The following MED23 variants were observed in gnomAD, a reference collection of about 807,000 sequenced individuals.
MED23 encodes the protein mediator of RNA polymerase II transcription subunit 23.
MED23 carries 105 observed loss-of-function variants against 163.9 expected under a neutral mutation model. That is an observed-to-expected ratio of 0.64 (90% confidence interval 0.55 to 0.75). MED23 has a LOEUF of 0.75. Ranked by LOEUF, MED23 falls within the 30% of genes least tolerant of loss-of-function variation. MED23 has a pLI of 0.00. For synonymous variants in MED23, 561 were observed against 565.6 expected, an observed-to-expected ratio of 0.99 and a Z score of 0.12; for missense variants, 1,054 against 1,649.0, an observed-to-expected ratio of 0.64 and a Z score of 6.25.
chr6:131,626,720 A>G (rs1394822707), intron 3 of MED23, among the ~76,000 whole-genome samples: 1 of 152,190 alleles, frequency 6.6e-6, no homozygotes, highest in African/African-American at 2.4e-5. Flanking sequence ...AACTAAACAA[A>G]AAGGTTAAAA....
At chr6:131,620,598 T>C in intron 7 of MED23, 30 bp downstream of exon 7, 1 of 1,533,312 alleles carries the variant, frequency 6.5e-7, no homozygotes. Flanking sequence ...CGAAAATTTT[T>C]ATTAAAAATT....
chr6:131,587,132 TA>T lies in MED23; in HGVS notation c.*546del. The T allele has an allele frequency of 8.1e-7, 1 of 1,233,024 alleles. No homozygotes were observed. Among genetic ancestry groups the T allele is most frequent in the Non-Finnish European group, 1.0e-6 (1 of 978,172 alleles). 76.4% of individuals were successfully genotyped at this position (1,233,024 alleles called of 1,614,324 possible). A position where few individuals can be genotyped will look rare whatever the true frequency, so the allele number is the denominator to read the frequency against. On this transcript the variant is annotated 3_prime_UTR_variant, in exon 29 of 29. Transcript: ENST00000368068. ...TGATAGAAACTATGGAAATTTATAA[TA>T]AAATTTCAAGTCATTTTAAAAAGAA...
At position 131,598,717 on chromosome 6, in the gene MED23, A is replaced by G; in HGVS notation, c.2265T>C (p.Asn755=). 1 of 1,613,976 alleles carries G rather than the reference A, an allele frequency of 6.2e-7. No homozygotes were observed. The highest frequency in any genetic ancestry group is 1.1e-5 in the South Asian group (1 of 91,074). The change falls in exon 19 of 29, where the codon AAT becomes AAC. Residue 755 remains asparagine (N), a synonymous_variant. Transcript: ENST00000368068. This position sits in a 1 kb window ranked among gnomAD's most constrained non-coding sequence, Gnocchi z 4.7. The stretch of plus-strand genomic sequence containing the variant: ...ACTCCTCCTCCACATTTTTTTTCAG[A>G]TTAAAACGGCTTTCCTGAGGCACAT... ...QNNVPQESRF[N]LKKNVEEEYR...
intron 11 of MED23, 110 bp downstream of exon 11, chr6:131,609,936 T>A: frequency 9.7e-7 from 1 of 1,029,306 alleles, no homozygotes; most frequent in South Asian, 1.3e-5. Flanking sequence ...GGACAGAAAT[T>A]AGGGCTCAGA....
intron 24 of MED23, 146 bp downstream of exon 24, chr6:131,592,860 C>A: frequency 1.0e-6 from 1 of 992,634 alleles, no homozygotes; most frequent in Non-Finnish European, 1.5e-6. Context: ...TCCTATATCA[C>A]AAAGACAAGA....
Position 131,596,501 on chromosome 6 carries a change from C to A in MED23, c.2778+17G>T. On this transcript the variant is annotated intron_variant, in intron 21 of 28. Coordinates refer to ENST00000368068, the MANE Select transcript of MED23 (RefSeq NM_004830.4). Reference sequence around the variant, plus strand: ...GGCTTTAAAAGGACTATTTGAAATACCAATTAGGACTAGTACCTTGTGATA... The same window carrying A: ...GGCTTTAAAAGGACTATTTGAAATAACAATTAGGACTAGTACCTTGTGATA... The A allele has an allele frequency of 2.5e-6, 4 of 1,613,194 alleles. No individual in the cohort carries two copies. The highest frequency in any genetic ancestry group is 3.4e-6 in the Non-Finnish European group (4 of 1,179,216).
rs937919184 is a variant in MED23 at position 131,623,538 on chromosome 6, G to C, written c.285-76C>G. 7 of 1,132,144 alleles carry C rather than the reference G, an allele frequency of 6.2e-6. No homozygotes were observed. The Admixed American group carries it at 1.2e-4, about 19-fold the overall frequency. 70.1% of individuals were successfully genotyped at this position (1,132,144 alleles called of 1,614,324 possible). A position where few individuals can be genotyped will look rare whatever the true frequency, so the allele number is the denominator to read the frequency against. On this transcript the variant is annotated intron_variant, in intron 4 of 28. Coordinates refer to ENST00000368068, the MANE Select transcript of MED23 (RefSeq NM_004830.4). ...TCTCTAATAGCCGCCAATATGGTTT[G>C]GCTGTGTACTCACACAAATCTCATC... is the stretch of plus-strand genomic sequence containing the variant.
At chr6:131,608,221 AC>A in intron 11 of MED23, 150 bp from the exon 12 acceptor site, 2 of 753,618 alleles carry the variant, frequency 2.7e-6, no homozygotes, top group Non-Finnish European at 4.4e-6. Flanking sequence ...CTTAGTAATT[AC>A]TTAGTCTCAA....
intron 7 of MED23, 144 bp downstream of exon 7, chr6:131,620,484 G>A: frequency 3.0e-6 from 2 of 663,426 alleles, no homozygotes; most frequent in South Asian, 3.5e-5. Context: ...ATGTTTTGCA[G>A]AGACAGAGTC....
At chr6:131,594,744 CA>C (rs1774913962) in intron 22 of MED23, among the ~76,000 whole-genome samples, 1 of 152,066 alleles carries the variant, frequency 6.6e-6, no homozygotes, top group African/African-American at 2.4e-5. Flanking sequence ...CGTACTAATA[CA>C]AATGACCAAC....
intron 21 of MED23, 130 bp downstream of exon 21, chr6:131,596,388 A>C: frequency 1.8e-6 from 2 of 1,103,476 alleles, no homozygotes; most frequent in Non-Finnish European, 2.7e-6. Context: ...AGAAGTTCAG[A>C]GAGCTAACTT....
At chr6:131,611,964 T>C (rs929476797) in intron 10 of MED23, among the ~76,000 whole-genome samples, 14 of 152,134 alleles carry the variant, frequency 9.2e-5, no homozygotes, top group Admixed American at 7.2e-4. Context: ...CATGTAGTGA[T>C]TATCATACAG....
At chr6:131,622,120 C>T in intron 5 of MED23, 141 bp from the exon 6 acceptor site, 2 of 609,720 alleles carry the variant, frequency 3.3e-6, no homozygotes, top group Non-Finnish European at 5.9e-6. Context: ...AAGTCCCTAA[C>T]ATTAACCCAA....
intron 10 of MED23, among the ~76,000 whole-genome samples, chr6:131,611,214 T>C (rs1032871581): frequency 5.3e-5 from 8 of 152,126 alleles, no homozygotes; most frequent in Admixed American, 4.6e-4. Flanking sequence ...GATATGATTT[T>C]TTCAAATTTA....
At chr6:131,595,306 G>A (rs1014075099) in intron 22 of MED23, among the ~76,000 whole-genome samples, 1 of 152,194 alleles carries the variant, frequency 6.6e-6, no homozygotes, top group Non-Finnish European at 1.5e-5. Context: ...TGCAACCACT[G>A]TTGCTTAGAT....
chr6:131,602,191 T>TTGTTTGTAGTCACATATTCA, intron 17 of MED23, 27 bp downstream of exon 17: 1 of 1,609,212 alleles, frequency 6.2e-7, no homozygotes, highest in African/African-American at 1.3e-5. Flanking sequence ...TCATCTGTTG[T>TTGTTTGTAGTCACATATTCA]TGTTTGTAGT....
intron 3 of MED23, 132 bp downstream of exon 3, chr6:131,627,264 G>C: frequency 1.4e-6 from 1 of 734,986 alleles, no homozygotes. Flanking sequence ...AATAAAAAAT[G>C]ATAACAATTT....
chr6:131,590,409 C>T lies in MED23; in HGVS notation c.3720G>A (p.Lys1240=). ...ATACATAAAGCAACTGGAATTCGGTCTTCACTATAGGAAGAAGTACTTCAG... is the reference window on the plus strand; with the variant it reads ...ATACATAAAGCAACTGGAATTCGGTTTTCACTATAGGAAGAAGTACTTCAG... ...FLTEVLLPIV[K]TEFQLLYVYH... is the part of the protein sequence containing the mutation. The change falls in exon 27 of 29, where the codon AAG becomes AAA. Residue 1240 remains lysine, a synonymous_variant. Transcript: ENST00000368068. The T allele has an allele frequency of 1.2e-6, 2 of 1,607,838 alleles. No individual in the cohort carries two copies. Among genetic ancestry groups the T allele is most frequent in the Non-Finnish European group, 1.7e-6 (2 of 1,174,604 alleles).
At position 131,590,381 on chromosome 6, in the gene MED23, G is replaced by A; in HGVS notation, c.3748C>T (p.His1250Tyr). The A allele has an allele frequency of 6.2e-7, 1 of 1,608,476 alleles. No homozygotes were observed. Among genetic ancestry groups the A allele is most frequent in the Non-Finnish European group, 8.5e-7 (1 of 1,175,222 alleles). Residue 1250 changes from histidine (H) to tyrosine (Y), a missense_variant, in exon 27 of 29, where the codon CAT becomes TAT. Around this residue, in one of 11 missense-constraint regions of MED23, gnomAD observed 362 missense variants for 471.6 expected, o/e 0.77. Coordinates refer to ENST00000368068, the MANE Select transcript of MED23 (RefSeq NM_004830.4). ...CTTTGTAAAAATGGTCCAACAAGAT[G>A]GTATACATAAAGCAACTGGAATTCG... ...KTEFQLLYVY[H>Y]LVGPFLQRFQ...
Sources: allele counts gnomAD v4.1 joint callset (sites outside exome capture counted in the v4.1 genomes callset), GRCh38; gene constraint gnomAD v4.1.1; regional missense constraint gnomAD v4.1.1; non-coding constraint Gnocchi (gnomAD v3.1); transcripts MANE v1.5; gene names NCBI Gene and HGNC (gene_info 2026-07-23, HGNC 2026-07-21).